Variants in CDKL1 observed in about 807,000 individuals in gnomAD.
CDKL1 encodes cyclin dependent kinase like 1, also known as cyclin-dependent kinase-like 1.
Under a neutral mutation model 42.0 loss-of-function variants are expected in CDKL1, and 41 were observed. The ratio of observed to expected loss-of-function variants is 0.98; its 90% CI spans 0.76 to 1.27. The LOEUF (loss-of-function observed/expected upper bound fraction) is 1.27, where lower values mean the gene tolerates loss of function less well. CDKL1 is among the 50% of genes most tolerant of loss of function. CDKL1 has a pLI of 0.00. For synonymous variants in CDKL1, 153 were observed against 158.6 expected (o/e 0.96, Z 0.26); for missense variants, 394 against 428.4 (o/e 0.92, Z 0.71).
intron 2 of CDKL1, among the ~76,000 whole-genome samples, chr14:50,387,687 G>A (rs2035128709): frequency 6.6e-6 from 1 of 152,122 alleles, no homozygotes; most frequent in Non-Finnish European, 1.5e-5. Flanking sequence ...TGTTAACAGT[G>A]TGATTCCACA....
At chr14:50,375,789 T>A (rs1033404118) in intron 2 of CDKL1, among the ~76,000 whole-genome samples, 3 of 151,306 alleles carry the variant, frequency 2.0e-5, no homozygotes, top group African/African-American at 7.3e-5. Context: ...AGAGCGAGAC[T>A]CCATCTCAAA....
At chr14:50,332,089 A>G in intron 9 of CDKL1, 173 bp downstream of exon 9, 6 of 1,573,632 alleles carry the variant, frequency 3.8e-6, no homozygotes, top group Non-Finnish European at 5.2e-6. Context: ...GGATTCAGGG[A>G]GAGGGGGCTT....
intron 2 of CDKL1, chr14:50,362,237 G>C (rs987239283): frequency 3.1e-6 from 1 of 326,982 alleles, no homozygotes; most frequent in Admixed American, 3.8e-5. Context: ...CCCCTGCTCC[G>C]CAGCACCCGG....
chr14:50,337,325 C>T (rs567011102), intron 7 of CDKL1, among the ~76,000 whole-genome samples: 2 of 148,140 alleles, frequency 1.4e-5, no homozygotes, highest in Admixed American at 1.3e-4. Context: ...GTTTTATAAC[C>T]GTCTTTTTTT....
rs78308158 is a variant in CDKL1 at position 50,335,839 on chromosome 14, A to C, written c.739-1218T>G. 3.8e-3 allele frequency: 3,761 copies of C among 985,172 alleles called. 104 individuals carry two copies. The African/African-American group carries it at 0.059, about 15-fold the overall frequency. The allele number at this position is 985,172 out of a possible 1,614,324, so 61.0% of individuals were successfully genotyped here. A position where few individuals can be genotyped will look rare whatever the true frequency, so the allele number is the denominator to read the frequency against. On this transcript the variant is annotated intron_variant, in intron 7 of 9. Coordinates refer to ENST00000395834, the MANE Select transcript of CDKL1 (RefSeq NM_004196.7). ...GACAGGCAACCAGCTCCCAATAACC[A>C]ATTCTGGATTGTACACATACTAATC... is the stretch of plus-strand genomic sequence containing the variant.
chr14:50,370,711 A>T (rs953406525), intron 2 of CDKL1, among the ~76,000 whole-genome samples: 4 of 152,196 alleles, frequency 2.6e-5, no homozygotes, highest in African/African-American at 9.7e-5. Context: ...CAATCATGGC[A>T]AAAGGTGAAG....
At chr14:50,339,156 G>A in intron 6 of CDKL1, 127 bp from the exon 7 acceptor site, 1 of 696,372 alleles carries the variant, frequency 1.4e-6, no homozygotes, top group Non-Finnish European at 2.6e-6. Context: ...TGGGCAATCA[G>A]AAGGAGAGGC....
intron 2 of CDKL1, chr14:50,376,275 G>A (rs543720507): frequency 9.2e-5 from 39 of 425,834 alleles, no homozygotes; most frequent in Non-Finnish European, 1.3e-4. Flanking sequence ...TAGTTTTTCC[G>A]TAATCTAAAA....
At chr14:50,381,754 TTTTGTTTGTTTG>T (rs150473733) in intron 2 of CDKL1, among the ~76,000 whole-genome samples, 47,410 of 151,008 alleles carry the variant, frequency 0.31, 7,814 homozygotes, top group African/African-American at 0.38. Context: ...CTGTGTGGTT[TTTTGTTTGTTTG>T]TTTGTTTGTT....
chr14:50,397,073 G>C, upstream of CDKL1: 3 of 1,338,866 alleles, frequency 2.2e-6, no homozygotes, highest in Non-Finnish European at 3.0e-6. Context: ...GCCGAGTCCT[G>C]CTGCCGGGAG....
chr14:50,338,046 A>G (rs1336704912), intron 7 of CDKL1, among the ~76,000 whole-genome samples: 1 of 152,178 alleles, frequency 6.6e-6, no homozygotes, highest in Non-Finnish European at 1.5e-5. Context: ...ATTTCTATTA[A>G]ATAATGCCAC....
At chr14:50,363,571 G>A (rs909014863) in intron 2 of CDKL1, among the ~76,000 whole-genome samples, 1 of 152,150 alleles carries the variant, frequency 6.6e-6, no homozygotes, top group Non-Finnish European at 1.5e-5. Flanking sequence ...CACACTATTT[G>A]CTCCCTTGAC....
intron 2 of CDKL1, among the ~76,000 whole-genome samples, chr14:50,383,086 C>T (rs1333420368): frequency 6.6e-6 from 1 of 152,044 alleles, no homozygotes; most frequent in African/African-American, 2.4e-5. Flanking sequence ...TGCCACCACG[C>T]CTGGCTAATT....
intron 8 of CDKL1, chr14:50,333,877 A>G (rs1246211327): frequency 1.3e-5 from 2 of 150,432 alleles, no homozygotes; most frequent in African/African-American, 4.9e-5. Context: ...CATAAGAGCT[A>G]TATTTCTAAA....
intron 2 of CDKL1, among the ~76,000 whole-genome samples, chr14:50,388,125 G>C (rs975795842): frequency 6.6e-6 from 1 of 152,122 alleles, no homozygotes; most frequent in Admixed American, 6.5e-5. Flanking sequence ...TCCTGACCTC[G>C]TGATCCACCT....
intron 9 of CDKL1, chr14:50,330,484 G>A (rs2032875068): frequency 3.5e-6 from 1 of 289,030 alleles, no homozygotes; most frequent in African/African-American, 2.3e-5. Flanking sequence ...AGAGCTTGCT[G>A]AGATCTTAGG....
intron 2 of CDKL1, chr14:50,377,837 A>G: frequency 2.6e-6 from 2 of 764,692 alleles, no homozygotes; most frequent in Non-Finnish European, 3.6e-6. Flanking sequence ...AAAGAAAATG[A>G]CAGGGTCAGG....
intron 2 of CDKL1, among the ~76,000 whole-genome samples, chr14:50,366,629 C>G (rs1379598340): frequency 6.6e-6 from 1 of 152,186 alleles, no homozygotes; most frequent in Admixed American, 6.5e-5. Context: ...GATGAAGTGG[C>G]TGTTGATAGC....
At chr14:50,340,290 A>G (rs1456479010) in intron 6 of CDKL1, among the ~76,000 whole-genome samples, 2 of 152,230 alleles carry the variant, frequency 1.3e-5, no homozygotes, top group Non-Finnish European at 2.9e-5. Context: ...TCTCACCATC[A>G]GGAAGTTTAC....
Sources: gnomAD v4.1 joint callset for allele counts (sites outside exome capture counted in the v4.1 genomes callset) on GRCh38, gnomAD v4.1.1 for gene constraint, MANE v1.5 for transcripts, NCBI Gene and HGNC (gene_info 2026-07-23, HGNC 2026-07-21) for gene names.